Variants in USP20 observed in about 807,000 individuals in gnomAD.
USP20 encodes the protein ubiquitin carboxyl-terminal hydrolase 20.
In USP20, 80 loss-of-function variants were observed where a neutral mutation model predicts 124.2. That is an observed-to-expected ratio of 0.64 (90% CI 0.54 to 0.78). The LOEUF is 0.78. USP20 is among the 30% of genes least tolerant of loss of function. The probability of loss-of-function intolerance (pLI) is 0.00; values close to 1 mark genes in which losing one functional copy is unlikely to be tolerated. For missense variants in USP20, 1,043 were observed against 1,244.4 expected, an observed-to-expected ratio of 0.84 and a Z score of 2.44; for synonymous variants, 481 against 512.3, an observed-to-expected ratio of 0.94 and a Z score of 0.83.
intron 13 of USP20, 49 bp from the exon 14 acceptor site, chr9:129,869,623 T>G (rs1588279434): frequency 6.2e-7 from 1 of 1,605,814 alleles, no homozygotes; most frequent in Non-Finnish European, 8.5e-7. Flanking sequence ...GGGTTTGGGG[T>G]GCAGACATTG....
intron 6 of USP20, 40 bp downstream of exon 6, chr9:129,858,638 C>CT: frequency 6.2e-7 from 1 of 1,607,626 alleles, no homozygotes; most frequent in African/African-American, 1.3e-5. Flanking sequence ...GTTGGTGACA[C>CT]TGTGTTGAGG....
At chr9:129,837,252 C>T (rs1371054216) in intron 1 of USP20, among the ~76,000 whole-genome samples, 1 of 152,186 alleles carries the variant, frequency 6.6e-6, no homozygotes, top group African/African-American at 2.4e-5. Context: ...AAAGGACCCT[C>T]CGAGAAATAC....
rs980672200 is a variant in USP20 at position 129,869,917 on chromosome 9, A to C, written c.1565+73A>C. The C allele has an allele frequency of 4.5e-6, 7 of 1,559,244 alleles. No homozygotes were observed. In the Admixed American group the frequency reaches 1.2e-4, roughly 28 times the overall value. On this transcript the variant is annotated intron_variant, in intron 14 of 25. Coordinates refer to ENST00000372429, the MANE Select transcript of USP20 (RefSeq NM_001110303.4). ...GGTTTTCCTGGGCGGGAGACAGTAC[A>C]CAGTGAAGTCCATGCATTTGGGGAA...
intron 9 of USP20, among the ~76,000 whole-genome samples, chr9:129,863,619 G>C (rs1016132698): frequency 8.5e-5 from 13 of 152,208 alleles, no homozygotes; most frequent in African/African-American, 2.9e-4. Context: ...TGGTGACCCG[G>C]CCTCAGCCAG....
chr9:129,867,007 G>A (rs748721032), intron 10 of USP20, among the ~76,000 whole-genome samples: 3 of 152,240 alleles, frequency 2.0e-5, no homozygotes, highest in South Asian at 2.1e-4. Context: ...GGAGAGAGCC[G>A]GGATCCTCTT....
At chr9:129,863,924 G>A (rs1410433974) in intron 9 of USP20, among the ~76,000 whole-genome samples, 19 of 151,328 alleles carry the variant, frequency 1.3e-4, no homozygotes, top group Non-Finnish European at 2.2e-4. Flanking sequence ...TGGCCAACAT[G>A]GTGAAACCCC....
intron 13 of USP20, 103 bp downstream of exon 13, chr9:129,869,528 C>G: frequency 6.5e-7 from 1 of 1,527,308 alleles, no homozygotes; most frequent in South Asian, 1.2e-5. Flanking sequence ...GTGCTCCCTG[C>G]TTTTATCCAG....
intron 14 of USP20, 101 bp from the exon 15 acceptor site, chr9:129,870,352 C>A: frequency 7.7e-7 from 1 of 1,298,330 alleles, no homozygotes; most frequent in Non-Finnish European, 1.1e-6. Flanking sequence ...CCTTCAGGGT[C>A]CTTCTGCGGC....
At chr9:129,866,667 T>G (rs1027229541) in intron 10 of USP20, among the ~76,000 whole-genome samples, 6 of 152,154 alleles carry the variant, frequency 3.9e-5, no homozygotes, top group Non-Finnish European at 7.3e-5. Context: ...CTTTCTGTGG[T>G]TTTAGGATAT....
intron 1 of USP20, among the ~76,000 whole-genome samples, chr9:129,848,989 T>C (rs1189269164): frequency 6.6e-6 from 1 of 152,120 alleles, no homozygotes; most frequent in African/African-American, 2.4e-5. Flanking sequence ...GTAGTGGCAA[T>C]GTGTGGATGA....
Position 129,880,142 on chromosome 9 carries a change from A to T in USP20, c.2614A>T (p.Thr872Ser). The T allele has an allele frequency of 6.2e-7, 1 of 1,613,658 alleles. No individual in the cohort carries two copies. The highest frequency in any genetic ancestry group is 8.5e-7 in the Non-Finnish European group (1 of 1,179,984). The change falls in exon 25 of 26, where the codon ACC becomes TCC. Residue 872 changes from threonine (T) to serine (S), a missense_variant. Transcript: ENST00000372429. ...TGACTACGGGCAGATTTCGGAGGAGACCTGGACCTACCTGAACAGCCTGTA... is the reference window on the plus strand; with the variant it reads ...TGACTACGGGCAGATTTCGGAGGAGTCCTGGACCTACCTGAACAGCCTGTA... The part of the protein sequence containing the change: ...GADYGQISEE[T>S]WTYLNSLYGG...
chr9:129,867,258 C>A (rs947852327), intron 10 of USP20, among the ~76,000 whole-genome samples: 2 of 152,216 alleles, frequency 1.3e-5, no homozygotes, highest in African/African-American at 4.8e-5. Flanking sequence ...GCACACAGAT[C>A]TCAGTGGGGC....
chr9:129,874,826 C>T lies in USP20; in HGVS notation c.1922-3C>T. 2.5e-6 allele frequency: 4 copies of T among 1,614,084 alleles called. No individual in the cohort carries two copies. Among genetic ancestry groups the T allele is most frequent in the Non-Finnish European group, 3.4e-6 (4 of 1,180,028 alleles). On this transcript the variant is annotated splice_region_variant and splice_polypyrimidine_tract_variant and intron_variant, in intron 18 of 25. Coordinates refer to ENST00000372429, the MANE Select transcript of USP20 (RefSeq NM_001110303.4). ...CTGTGACCCGTCTGCTCTGCCGCCGCAGGTGGGCACTACATCGCCTACTGC... is the reference window on the plus strand; with the variant it reads ...CTGTGACCCGTCTGCTCTGCCGCCGTAGGTGGGCACTACATCGCCTACTGC...
intron 4 of USP20, 100 bp downstream of exon 4, chr9:129,856,460 T>TC: frequency 7.1e-7 from 1 of 1,399,970 alleles, no homozygotes; most frequent in Non-Finnish European, 1.0e-6. Flanking sequence ...GCTGGGAACT[T>TC]CCATCCCTAG....
chr9:129,865,530 C>G (rs2033781687), intron 10 of USP20, 149 bp downstream of exon 10: 1 of 785,178 alleles, frequency 1.3e-6, no homozygotes, highest in Non-Finnish European at 2.1e-6. Context: ...AAGCCCTTCA[C>G]ACGTGTGAGG....
chr9:129,868,636 G>T (rs1004687798), intron 11 of USP20, among the ~76,000 whole-genome samples, 187 bp downstream of exon 11: 5 of 152,170 alleles, frequency 3.3e-5, no homozygotes, highest in Non-Finnish European at 5.9e-5. Flanking sequence ...TAATGCTGGA[G>T]CCCAATTCAG....
At position 129,867,928 on chromosome 9, in the gene USP20, C is replaced by T; in HGVS notation, c.691-77C>T. 2.6e-6 allele frequency: 4 copies of T among 1,509,928 alleles called. 1 individual carries two copies. The South Asian group carries it at 5.2e-5, about 20-fold the overall frequency. 93.5% of individuals were successfully genotyped at this position (1,509,928 alleles called of 1,614,324 possible). ...GTCCTCCTAGATGGAGGCTGGCGCT[C>T]TCATCAGCCACAGGGCGCTGGAGAC... On this transcript the variant is annotated intron_variant, in intron 10 of 25. Coordinates refer to ENST00000372429, the MANE Select transcript of USP20 (RefSeq NM_001110303.4).
Position 129,879,585 on chromosome 9 carries a change from C to T in USP20, c.2525C>T (p.Pro842Leu), listed in dbSNP as rs1346598540. The change falls in exon 24 of 26, where the codon CCC becomes CTC. Residue 842 changes from proline to leucine, a missense_variant. Physicochemically the swap from Pro to Leu is moderately conservative, Grantham distance 98 (BLOSUM62 -3). Coordinates refer to ENST00000372429, the MANE Select transcript of USP20 (RefSeq NM_001110303.4). This position sits in a 1 kb window ranked among gnomAD's most constrained non-coding sequence, Gnocchi z 4.2. Reference sequence around the variant, plus strand: ...GTGTCTGTTGCAGAGCCCCCCGGGCCCATTGACAACAGCAGGATTGCACAG... The same window carrying T: ...GTGTCTGTTGCAGAGCCCCCCGGGCTCATTGACAACAGCAGGATTGCACAG... ...VKGKDNEPPG[P>L]IDNSRIAQVK... 1 of 1,613,546 alleles carries T rather than the reference C, an allele frequency of 6.2e-7. No homozygotes were observed. The highest frequency in any genetic ancestry group is 1.7e-5 in the Admixed American group (1 of 59,992).
intron 3 of USP20, among the ~76,000 whole-genome samples, chr9:129,854,556 G>A (rs780620217): frequency 6.6e-6 from 1 of 152,098 alleles, no homozygotes; most frequent in Non-Finnish European, 1.5e-5. Flanking sequence ...TGTACGGAGG[G>A]AAATATTTCA....
Sources: gnomAD v4.1 joint callset for allele counts (sites outside exome capture counted in the v4.1 genomes callset) on GRCh38, gnomAD v4.1.1 for gene constraint, Gnocchi (gnomAD v3.1) non-coding constraint, MANE v1.5 for transcripts, NCBI Gene and HGNC (gene_info 2026-07-23, HGNC 2026-07-21) for gene names.